DNER: variants seen among roughly 807,000 people sequenced by gnomAD.
The protein encoded by DNER is delta/notch like EGF repeat containing.
A neutral mutation model predicts 78.2 loss-of-function variants in DNER; 33 were observed. The observed-to-expected ratio is 0.42, with a 90% confidence interval of 0.32 to 0.56. The LOEUF (loss-of-function observed/expected upper bound fraction) is 0.56. Among genes scored for constraint, DNER ranks in the 20% least tolerant of loss-of-function variants. The probability of loss-of-function intolerance (pLI) is 0.11; values close to 1 mark genes in which losing one functional copy is unlikely to be tolerated. For missense variants in DNER, 918 were observed against 975.3 expected (o/e 0.94, Z 0.78); for synonymous variants, 417 against 384.8 (o/e 1.08, Z -0.98).
chr2:229,457,776 G>GGAA (rs1553606506), intron 7 of DNER, among the ~76,000 whole-genome samples: 2 of 141,086 alleles, frequency 1.4e-5, no homozygotes, highest in South Asian at 2.3e-4. Flanking sequence ...ACTTTATTTG[G>GGAA]AAAAAAAAAA....
chr2:229,386,866 ATACTC>A (rs1174485416), intron 11 of DNER, among the ~76,000 whole-genome samples: 1 of 152,198 alleles, frequency 6.6e-6, no homozygotes, highest in Admixed American at 6.5e-5. Flanking sequence ...GAATGCTTTT[ATACTC>A]TTGGTGGGAA....
At chr2:229,518,059 G>A (rs1286675715) in intron 5 of DNER, among the ~76,000 whole-genome samples, 4 of 152,118 alleles carry the variant, frequency 2.6e-5, no homozygotes, top group African/African-American at 4.8e-5. Context: ...GACCCTGAAC[G>A]TAAGTAATCC....
In DNER at chr2:229,635,347, C is replaced by T. The variant is rs1197542350; in HGVS notation, c.277-43459G>A. Among the ~76,000 whole-genome samples the T allele has an allele frequency of 4.4e-5, 5 of 113,856 alleles. No homozygotes were observed. The East Asian group carries it at 1.4e-3, about 33-fold the overall frequency. The allele number at this position is 113,856 out of a possible 152,430, so 74.7% of individuals were successfully genotyped here. A position where few individuals can be genotyped will look rare whatever the true frequency, so the allele number is the denominator to read the frequency against. ...GACCACGGCCCTTTCTATGGATGCA[C>T]TAAGGTCCCACAGGAAAAAAAAAAA... On this transcript the variant is annotated intron_variant, in intron 1 of 12. Coordinates refer to ENST00000341772, the MANE Select transcript of DNER (RefSeq NM_139072.4).
chr2:229,601,386 G>T (rs1697823864), intron 1 of DNER, among the ~76,000 whole-genome samples: 1 of 152,124 alleles, frequency 6.6e-6, no homozygotes, highest in African/African-American at 2.4e-5. Context: ...GCCAAGAAAT[G>T]CATCCCAAGA....
At chr2:229,490,523 T>C (rs1360332220) in intron 6 of DNER, among the ~76,000 whole-genome samples, 1 of 152,072 alleles carries the variant, frequency 6.6e-6, no homozygotes, top group Admixed American at 6.5e-5. Flanking sequence ...ATGTCCAGAA[T>C]AAATAAATCT....
chr2:229,417,455 G>A (rs941333218), intron 9 of DNER, among the ~76,000 whole-genome samples: 2 of 152,172 alleles, frequency 1.3e-5, no homozygotes, highest in African/African-American at 2.4e-5. Context: ...AGGATATCTG[G>A]GCTCCAGGAA....
intron 1 of DNER, among the ~76,000 whole-genome samples, chr2:229,674,935 C>G (rs1366438468): frequency 6.6e-6 from 1 of 152,164 alleles, no homozygotes; most frequent in Non-Finnish European, 1.5e-5. Context: ...GAAGATGTCC[C>G]TCATGAGGAG....
chr2:229,608,021 CAA>C (rs57795249), intron 1 of DNER, among the ~76,000 whole-genome samples: 2 of 86,260 alleles, frequency 2.3e-5, no homozygotes, highest in Non-Finnish European at 4.3e-5. Context: ...AACTCTGTCT[CAA>C]AAAAAAAAAA....
At chr2:229,625,254 T>C (rs1368983209) in intron 1 of DNER, among the ~76,000 whole-genome samples, 1 of 152,176 alleles carries the variant, frequency 6.6e-6, no homozygotes, top group African/African-American at 2.4e-5. Context: ...TCATGGAAAA[T>C]CACCGGGGGC....
chr2:229,664,575 C>G (rs1699058735), intron 1 of DNER, among the ~76,000 whole-genome samples: 1 of 151,990 alleles, frequency 6.6e-6, no homozygotes, highest in Non-Finnish European at 1.5e-5. Flanking sequence ...TGGATAAGGC[C>G]CCACACTAGA....
At chr2:229,586,998 C>T (rs1176826328) in intron 3 of DNER, 1 of 985,460 alleles carries the variant, frequency 1.0e-6, no homozygotes, top group Non-Finnish European at 1.2e-6. Flanking sequence ...TCCCATCTCA[C>T]TTCGTCTGAG....
At chr2:229,557,846 A>G (rs1165186603) in intron 4 of DNER, among the ~76,000 whole-genome samples, 1 of 152,218 alleles carries the variant, frequency 6.6e-6, no homozygotes, top group East Asian at 1.9e-4. Flanking sequence ...TAAAGACAGA[A>G]ATACCATTTG....
chr2:229,373,937 G>T (rs1692545658), intron 11 of DNER, among the ~76,000 whole-genome samples: 1 of 152,122 alleles, frequency 6.6e-6, no homozygotes, highest in Admixed American at 6.5e-5. Context: ...GACCGAAGTG[G>T]GTGGATAGCT....
chr2:229,552,253 C>T (rs114188628), intron 4 of DNER, among the ~76,000 whole-genome samples: 3,219 of 152,258 alleles, frequency 0.021, 103 homozygotes, highest in African/African-American at 0.065. Context: ...GAAATGCAGA[C>T]GGTCCTTGAG....
At chr2:229,602,919 G>A (rs1283395216) in intron 1 of DNER, among the ~76,000 whole-genome samples, 1 of 152,172 alleles carries the variant, frequency 6.6e-6, no homozygotes, top group Non-Finnish European at 1.5e-5. Flanking sequence ...CGATAGCACA[G>A]ACACGCTTGA....
chr2:229,379,190 A>C (rs758958472), intron 11 of DNER, among the ~76,000 whole-genome samples: 1 of 152,206 alleles, frequency 6.6e-6, no homozygotes, highest in Admixed American at 6.5e-5. Flanking sequence ...ACAATTGCTG[A>C]AGGTTAATCC....
intron 1 of DNER, among the ~76,000 whole-genome samples, chr2:229,654,375 A>T (rs765606767): frequency 2.6e-5 from 4 of 152,218 alleles, no homozygotes; most frequent in Admixed American, 6.5e-5. Context: ...CACTATTCAC[A>T]ATAGCAAAGA....
At position 229,568,047 on chromosome 2, in the gene DNER, C is replaced by T. The variant is rs567314661; in HGVS notation, c.847+17811G>A. On this transcript the variant is annotated intron_variant, in intron 4 of 12. Coordinates refer to ENST00000341772, the MANE Select transcript of DNER (RefSeq NM_139072.4). The stretch of plus-strand genomic sequence containing the variant: ...CTAACACGGATCACAGCATAAAAGA[C>T]GGATGTCTGAAAACAAAACTAAACA... Among the ~76,000 whole-genome samples the T allele has an allele frequency of 3.5e-4, 54 of 152,208 alleles. 1 individual carries two copies. Among genetic ancestry groups the T allele is most frequent in the Middle Eastern group, 6.8e-3 (2 of 292 alleles).
At chr2:229,705,184 T>G (rs1699807327) in intron 1 of DNER, among the ~76,000 whole-genome samples, 1 of 152,198 alleles carries the variant, frequency 6.6e-6, no homozygotes, top group Non-Finnish European at 1.5e-5. Flanking sequence ...TGTGATTTCT[T>G]CCACCACAGA....
Sources: allele counts gnomAD v4.1 joint callset (sites outside exome capture counted in the v4.1 genomes callset), GRCh38; gene constraint gnomAD v4.1.1; transcripts MANE v1.5; gene names NCBI Gene and HGNC (gene_info 2026-07-23, HGNC 2026-07-21).